The following RTN4RL2 variants were observed in gnomAD, a reference collection of about 807,000 sequenced individuals.
RTN4RL2 encodes the protein reticulon 4 receptor like 2, also known as reticulon-4 receptor-like 2.
Under a neutral mutation model 27.8 loss-of-function variants are expected in RTN4RL2, and 9 were observed. The observed-to-expected ratio is 0.32, with a 90% CI of 0.20 to 0.57. RTN4RL2 has a LOEUF of 0.57. RTN4RL2 is among the 20% of genes least tolerant of loss of function. The probability of loss-of-function intolerance (pLI) is 0.90; values close to 1 mark genes in which losing one functional copy is unlikely to be tolerated. For missense variants in RTN4RL2, 436 were observed against 596.8 expected, an observed-to-expected ratio of 0.73 and a Z score of 2.81; for synonymous variants, 285 against 297.9, an observed-to-expected ratio of 0.96 and a Z score of 0.45.
Position 57,476,740 on chromosome 11 carries a change from G to T in RTN4RL2, c.1092G>T (p.Ala364=). The T allele has an allele frequency of 6.9e-7, 1 of 1,447,330 alleles. No individual in the cohort carries two copies. The highest frequency in any genetic ancestry group is 2.7e-5 in the Admixed American group (1 of 37,040). The allele number at this position is 1,447,330 out of a possible 1,614,324, so 89.7% of individuals were successfully genotyped here. The change falls in exon 3 of 3, where the codon GCG becomes GCT. Residue 364 remains alanine, a synonymous_variant. Coordinates refer to ENST00000335099, the MANE Select transcript of RTN4RL2 (RefSeq NM_178570.3). This position sits in a 1 kb window ranked among gnomAD's most constrained non-coding sequence, Gnocchi z 8.2. ...EDSRGRQGGD[A]PTEDDYWGGY... is the part of the protein sequence containing the mutation. Reference sequence around the variant, plus strand: ...CGCGGGGGCGCCAGGGCGGGGACGCGCCTACTGAGGACGACTACTGGGGGG... The same window carrying T: ...CGCGGGGGCGCCAGGGCGGGGACGCTCCTACTGAGGACGACTACTGGGGGG...
intron 1 of RTN4RL2, among the ~76,000 whole-genome samples, chr11:57,462,008 T>A (rs1217613020): frequency 2.0e-5 from 3 of 151,774 alleles, no homozygotes; most frequent in Non-Finnish European, 2.9e-5. Context: ...ATTTCTTCTC[T>A]CAGGGAGTGG....
At chr11:57,465,325 G>A (rs1034182491) in intron 1 of RTN4RL2, among the ~76,000 whole-genome samples, 1 of 152,194 alleles carries the variant, frequency 6.6e-6, no homozygotes, top group Non-Finnish European at 1.5e-5. Context: ...GCAACCTCAG[G>A]AGCGTGACAC....
intron 2 of RTN4RL2, among the ~76,000 whole-genome samples, chr11:57,474,812 A>T (rs1400641813): frequency 1.3e-5 from 2 of 152,166 alleles, no homozygotes; most frequent in African/African-American, 4.8e-5. Flanking sequence ...CGTGGGCCAC[A>T]CACACCCGCC....
At chr11:57,472,786 C>T (rs1943571541) in intron 2 of RTN4RL2, among the ~76,000 whole-genome samples, 1 of 152,146 alleles carries the variant, frequency 6.6e-6, no homozygotes, top group Admixed American at 6.5e-5. Context: ...AGGACACCAA[C>T]TGAAGCTCAG....
At chr11:57,475,731 T>G (rs931962199) in intron 2 of RTN4RL2, among the ~76,000 whole-genome samples, 1 of 152,066 alleles carries the variant, frequency 6.6e-6, no homozygotes, top group Non-Finnish European at 1.5e-5. Context: ...GATCCAAGAT[T>G]TGAAATCAGA....
chr11:57,476,503 C>T lies in RTN4RL2; in HGVS notation c.855C>T (p.Asp285=). Residue 285 remains aspartate, a synonymous_variant, in exon 3 of 3, where the codon GAC becomes GAT. Transcript: ENST00000335099. The surrounding 1 kb of genome is among the most constrained non-coding windows in gnomAD (Gnocchi z 8.2). ...WFQRARVSSS[D]VTCATPPERQ... ...AGCGCGCGCGCGTGTCCAGCTCCGACGTGACCTGCGCCACCCCCCCGGAGC... is the reference window on the plus strand; with the variant it reads ...AGCGCGCGCGCGTGTCCAGCTCCGATGTGACCTGCGCCACCCCCCCGGAGC... 6 of 1,492,862 alleles carry T rather than the reference C, an allele frequency of 4.0e-6. No individual in the cohort carries two copies. Among genetic ancestry groups the T allele is most frequent in the Non-Finnish European group, 5.3e-6 (6 of 1,131,948 alleles). The allele number at this position is 1,492,862 out of a possible 1,614,324, so 92.5% of individuals were successfully genotyped here.
At chr11:57,461,471 A>G (rs1378511429) in intron 1 of RTN4RL2, among the ~76,000 whole-genome samples, 1 of 150,780 alleles carries the variant, frequency 6.6e-6, no homozygotes, top group Non-Finnish European at 1.5e-5. Context: ...GGAGAGGGAT[A>G]GGAAGGAGAA....
chr11:57,475,785 C>A (rs2135124768), intron 2 of RTN4RL2, among the ~76,000 whole-genome samples: 1 of 152,286 alleles, frequency 6.6e-6, no homozygotes, highest in African/African-American at 2.4e-5. Flanking sequence ...ACCAGAAGTT[C>A]TGAAACTCAA....
intron 2 of RTN4RL2, among the ~76,000 whole-genome samples, chr11:57,470,067 T>A (rs568166468): frequency 1.3e-5 from 2 of 152,246 alleles, no homozygotes; most frequent in African/African-American, 4.8e-5. Context: ...ATGGTCTGGC[T>A]ACAAGGGGAC....
intron 1 of RTN4RL2, among the ~76,000 whole-genome samples, chr11:57,462,169 C>T (rs190941190): frequency 3.5e-4 from 54 of 152,200 alleles, no homozygotes; most frequent in African/African-American, 1.1e-3. Context: ...CCGGCCTGGA[C>T]GTTGGATTCT....
intron 2 of RTN4RL2, among the ~76,000 whole-genome samples, chr11:57,469,957 C>A (rs773565135): frequency 2.0e-5 from 3 of 152,192 alleles, no homozygotes; most frequent in Non-Finnish European, 4.4e-5. Flanking sequence ...TCATGTTGAG[C>A]CTCACAACAA....
chr11:57,476,723 C>G lies in RTN4RL2; in HGVS notation c.1075C>G (p.Arg359Gly). Residue 359 changes from arginine (R) to glycine (G), a missense_variant, in exon 3 of 3, where the codon CGC becomes GGC. Arg to Gly is a moderately radical substitution (Grantham distance 125). Transcript: ENST00000335099. The surrounding 1 kb of genome is among the most constrained non-coding windows in gnomAD (Gnocchi z 8.2). ...RDLPAEDSRG[R>G]QGGDAPTEDD... ...TCTGCCTGCCGAAGACTCGCGGGGG[C>G]GCCAGGGCGGGGACGCGCCTACTGA... 2.1e-6 allele frequency: 3 copies of G among 1,435,760 alleles called. No individual in the cohort carries two copies. Among genetic ancestry groups the G allele is most frequent in the Non-Finnish European group, 2.7e-6 (3 of 1,102,568 alleles). 88.9% of individuals were successfully genotyped at this position (1,435,760 alleles called of 1,614,324 possible). A position where few individuals can be genotyped will look rare whatever the true frequency, so the allele number is the denominator to read the frequency against.
At chr11:57,474,998 C>T (rs770230474) in intron 2 of RTN4RL2, among the ~76,000 whole-genome samples, 2 of 152,128 alleles carry the variant, frequency 1.3e-5, no homozygotes, top group Non-Finnish European at 2.9e-5. Context: ...GCTGATGCCC[C>T]TCACCCCAAT....
rs767175622 is a variant in RTN4RL2, at chr11:57,460,834, C to T, written c.-32C>T. On this transcript the variant is annotated 5_prime_UTR_variant, in exon 1 of 3. Transcript: ENST00000335099. ...GGGAGCGAGTGGGAGCGCCCTCCCC[C>T]CGCTGCCCCCTCCCCCGAGCATCGA... The T allele has an allele frequency of 4.6e-5, 63 of 1,378,694 alleles. No individual in the cohort carries two copies. In the Middle Eastern group the frequency reaches 1.3e-3, roughly 29 times the overall value. 85.4% of individuals were successfully genotyped at this position (1,378,694 alleles called of 1,614,324 possible).
intron 1 of RTN4RL2, among the ~76,000 whole-genome samples, chr11:57,463,755 G>C (rs1215676993): frequency 6.6e-6 from 1 of 152,116 alleles, no homozygotes; most frequent in East Asian, 1.9e-4. Flanking sequence ...ACAGGGGGTG[G>C]GGAAGGGACG....
chr11:57,465,990 A>AT (rs35174184), intron 1 of RTN4RL2, among the ~76,000 whole-genome samples: 2,032 of 77,900 alleles, frequency 0.026, 204 homozygotes, highest in East Asian at 0.087. Context: ...CATGCCTACA[A>AT]TTTTTTTTTT....
rs116299631 is a variant in RTN4RL2 at position 57,465,571 on chromosome 11, C to T, written c.32-2038C>T. Among the ~76,000 whole-genome samples, 247 of 152,296 alleles carry T rather than the reference C, an allele frequency of 1.6e-3. 2 individuals carry two copies. The highest frequency in any genetic ancestry group is 5.9e-3 in the African/African-American group (244 of 41,562). The stretch of plus-strand genomic sequence containing the variant: ...GAATGACTGCCTGGCTTTGGGGGTG[C>T]AGGCTCCCTTTTTCCCCAGGCAAAA... On this transcript the variant is annotated intron_variant, in intron 1 of 2. Coordinates refer to ENST00000335099, the MANE Select transcript of RTN4RL2 (RefSeq NM_178570.3).
Position 57,460,613 on chromosome 11 carries a change from G to C in RTN4RL2, c.-253G>C, listed in dbSNP as rs1220156378. On this transcript the variant is annotated 5_prime_UTR_variant, in exon 1 of 3. Transcript: ENST00000335099. ...ACAGCGCAGCTAGCGGGGCGCGGGC[G>C]CTGGGCGTCGACGGCCAGCCCCAGC... 41 of 186,854 alleles carry C rather than the reference G, an allele frequency of 2.2e-4. No individual in the cohort carries two copies. The highest frequency in any genetic ancestry group is 2.2e-5 in the Non-Finnish European group (2 of 91,448). The allele number at this position is 186,854 out of a possible 1,614,324, so 11.6% of individuals were successfully genotyped here.
chr11:57,465,294 A>G (rs767485457), intron 1 of RTN4RL2, among the ~76,000 whole-genome samples: 1 of 152,232 alleles, frequency 6.6e-6, no homozygotes, highest in South Asian at 2.1e-4. Context: ...TCACAGATAC[A>G]TACACACATT....
Sources: allele counts gnomAD v4.1 joint callset (sites outside exome capture counted in the v4.1 genomes callset), GRCh38; gene constraint gnomAD v4.1.1; non-coding constraint Gnocchi (gnomAD v3.1); transcripts MANE v1.5; gene names NCBI Gene and HGNC (gene_info 2026-07-23, HGNC 2026-07-21).